Variants in DNM3 observed in about 807,000 individuals in gnomAD.
DNM3 encodes the protein dynamin-3.
In DNM3, 47 loss-of-function variants were observed where a neutral mutation model predicts 101.6. The ratio of observed to expected loss-of-function variants is 0.46; its 90% confidence interval spans 0.37 to 0.59. The LOEUF (loss-of-function observed/expected upper bound fraction) is 0.59, where lower values mean the gene tolerates loss of function less well. Among genes scored for constraint, DNM3 ranks in the 20% least tolerant of loss-of-function variants. The pLI, the probability that DNM3 is intolerant of heterozygous loss-of-function variation, is 0.00. For synonymous variants in DNM3, 385 were observed against 387.9 expected (o/e 0.99, Z 0.09); for missense variants, 849 against 1,085.7 (o/e 0.78, Z 3.06).
At chr1:172,016,786 T>C (rs2047482961) in intron 4 of DNM3, among the ~76,000 whole-genome samples, 1 of 152,188 alleles carries the variant, frequency 6.6e-6, no homozygotes, top group African/African-American at 2.4e-5. Flanking sequence ...ATAAGCCTGT[T>C]CCAATCACCT....
At chr1:172,338,903 G>A in intron 17 of DNM3, 2 of 431,596 alleles carry the variant, frequency 4.6e-6, no homozygotes, top group South Asian at 3.3e-5. Flanking sequence ...TAGAAAGTTT[G>A]TTTGTGCAGG....
chr1:172,090,452 C>T lies in DNM3; in HGVS notation c.1494-2372C>T, dbSNP rs2053832700. ...CATTGGATCCTGGTTACCTCTTTCACAGCCTCACCTACAAGACCTGAATAA... is the reference window on the plus strand; with the variant it reads ...CATTGGATCCTGGTTACCTCTTTCATAGCCTCACCTACAAGACCTGAATAA... On this transcript the variant is annotated intron_variant, in intron 12 of 20. Transcript: ENST00000627582. Among the ~76,000 whole-genome samples the T allele has an allele frequency of 2.0e-5, 3 of 152,126 alleles. No homozygotes were observed. In the South Asian group the frequency reaches 6.2e-4, roughly 32 times the overall value.
At chr1:172,149,838 G>C (rs551258917) in intron 14 of DNM3, among the ~76,000 whole-genome samples, 2 of 151,772 alleles carry the variant, frequency 1.3e-5, no homozygotes, top group Admixed American at 1.3e-4. Context: ...TTTTTTGCAG[G>C]GGTGGAGAAA....
At chr1:172,021,346 G>A (rs1003966977) in intron 4 of DNM3, among the ~76,000 whole-genome samples, 2 of 151,844 alleles carry the variant, frequency 1.3e-5, no homozygotes, top group African/African-American at 4.8e-5. Context: ...GGTGGTGCAT[G>A]TTTGTACTCC....
chr1:172,305,751 T>C (rs944739869), intron 15 of DNM3, among the ~76,000 whole-genome samples: 1 of 152,020 alleles, frequency 6.6e-6, no homozygotes, highest in African/African-American at 2.4e-5. Context: ...TAAACATAAT[T>C]CATCACATAA....
At chr1:172,308,432 T>C (rs558396866) in intron 15 of DNM3, among the ~76,000 whole-genome samples, 1 of 152,302 alleles carries the variant, frequency 6.6e-6, no homozygotes, top group Non-Finnish European at 1.5e-5. Flanking sequence ...CAGCACAAGT[T>C]CCAATCAGTT....
chr1:172,209,148 T>C (rs1355620423), intron 14 of DNM3, among the ~76,000 whole-genome samples: 8 of 151,972 alleles, frequency 5.3e-5, no homozygotes. Flanking sequence ...CTAATCCAGT[T>C]TGACTGATAT....
intron 14 of DNM3, among the ~76,000 whole-genome samples, chr1:172,194,762 T>C (rs1013258539): frequency 1.3e-5 from 2 of 152,008 alleles, no homozygotes; most frequent in Non-Finnish European, 2.9e-5. Flanking sequence ...TGTCTCTGCA[T>C]GTAAGATGAG....
chr1:172,359,125 A>AACACACACACACACACACACAC (rs10683483), intron 17 of DNM3, among the ~76,000 whole-genome samples: 2 of 145,704 alleles, frequency 1.4e-5, no homozygotes, highest in African/African-American at 5.0e-5. Context: ...ACTCCCACAA[A>AACACACACACACACACACACAC]ACACACACAC....
At chr1:172,039,633 T>G (rs974599336) in intron 7 of DNM3, among the ~76,000 whole-genome samples, 1 of 152,128 alleles carries the variant, frequency 6.6e-6, no homozygotes, top group Admixed American at 6.6e-5. Flanking sequence ...TACCGGGTCT[T>G]GCCTCTGTGA....
At chr1:172,027,482 C>T (rs1351958736) in intron 4 of DNM3, among the ~76,000 whole-genome samples, 1 of 151,818 alleles carries the variant, frequency 6.6e-6, no homozygotes, top group African/African-American at 2.4e-5. Flanking sequence ...TCAGGAGGCT[C>T]AGGCAGGAGA....
chr1:172,075,501 G>A (rs975805506), intron 11 of DNM3, among the ~76,000 whole-genome samples: 1 of 152,206 alleles, frequency 6.6e-6, no homozygotes, highest in Admixed American at 6.5e-5. Flanking sequence ...AAGGTGTAAG[G>A]AAGGTGTCCA....
chr1:172,118,247 C>T (rs1164562099), intron 13 of DNM3, among the ~76,000 whole-genome samples: 1 of 152,144 alleles, frequency 6.6e-6, no homozygotes, highest in African/African-American at 2.4e-5. Flanking sequence ...GGATTGGCTA[C>T]TAACACTTAT....
intron 14 of DNM3, among the ~76,000 whole-genome samples, chr1:172,238,685 T>C (rs1042049698): frequency 3.4e-4 from 52 of 151,872 alleles, no homozygotes; most frequent in African/African-American, 7.3e-4. Flanking sequence ...ACAGAACAAA[T>C]GGAACGAGAG....
At chr1:172,197,850 T>G (rs1242738500) in intron 14 of DNM3, among the ~76,000 whole-genome samples, 1 of 151,760 alleles carries the variant, frequency 6.6e-6, no homozygotes. Context: ...TAATGTTGTC[T>G]GCCAATAGAG....
intron 4 of DNM3, among the ~76,000 whole-genome samples, chr1:172,030,741 G>T (rs1029920047): frequency 6.6e-6 from 1 of 152,128 alleles, no homozygotes; most frequent in African/African-American, 2.4e-5. Context: ...AGTGGGCAAA[G>T]GTTATGAACA....
chr1:172,357,326 A>AGG, intron 17 of DNM3, among the ~76,000 whole-genome samples: 1 of 152,114 alleles, frequency 6.6e-6, no homozygotes, highest in African/African-American at 2.4e-5. Context: ...ACAGTGGAGA[A>AGG]ACCTGGAAGA....
At chr1:172,168,187 T>A (rs931299621) in intron 14 of DNM3, among the ~76,000 whole-genome samples, 3 of 152,002 alleles carry the variant, frequency 2.0e-5, no homozygotes, top group African/African-American at 4.8e-5. Context: ...AGTGCTAGGA[T>A]GTTAGGTAAA....
At chr1:172,278,111 T>A (rs2063354867) in intron 15 of DNM3, among the ~76,000 whole-genome samples, 1 of 152,156 alleles carries the variant, frequency 6.6e-6, no homozygotes, top group South Asian at 2.1e-4. Flanking sequence ...TAATTCTACT[T>A]TTTTTGTATT....
Sources: gnomAD v4.1 joint callset for allele counts (sites outside exome capture counted in the v4.1 genomes callset) on GRCh38, gnomAD v4.1.1 for gene constraint, MANE v1.5 for transcripts, NCBI Gene and HGNC (gene_info 2026-07-23, HGNC 2026-07-21) for gene names.